BAP1: variants seen among roughly 807,000 people sequenced by gnomAD.
BAP1 encodes BRCA1 associated deubiquitinase 1.
In BAP1, 16 loss-of-function variants were observed where a neutral mutation model predicts 77.2. The observed-to-expected ratio is 0.21, with a 90% CI of 0.14 to 0.31. The LOEUF is 0.31. Among genes scored for constraint, BAP1 ranks in the 10% least tolerant of loss-of-function variants. The pLI is 1.00. For synonymous variants in BAP1, 362 were observed against 385.2 expected, an observed-to-expected ratio of 0.94 and a Z score of 0.71; for missense variants, 699 against 967.3, an observed-to-expected ratio of 0.72 and a Z score of 3.68.
chr3:52,403,493 C>T lies in BAP1; in HGVS notation c.1652G>A (p.Arg551His), dbSNP rs759448397. Reference protein sequence around the residue: ...VDCIRYNRAVRDLGPVISTGL... With the variant: ...VDCIRYNRAVHDLGPVISTGL... ...TGTGCTGATGACAGGACCCAGATCACGGACAGCACGGTTGTAGCGTATGCA... is the reference window on the plus strand; with the variant it reads ...TGTGCTGATGACAGGACCCAGATCATGGACAGCACGGTTGTAGCGTATGCA... Residue 551 changes from arginine (R) to histidine (H), a missense_variant, in exon 13 of 17, where the codon CGT becomes CAT. Coordinates refer to ENST00000460680, the MANE Select transcript of BAP1 (RefSeq NM_004656.4). This position sits in a 1 kb window ranked among gnomAD's most constrained non-coding sequence, Gnocchi z 4.0. The T allele has an allele frequency of 8.1e-6, 13 of 1,613,894 alleles. No individual in the cohort carries two copies. The highest frequency in any genetic ancestry group is 2.7e-5 in the African/African-American group (2 of 74,934).
At chr3:52,405,519 A>C (rs867641150) in intron 10 of BAP1, 12 of 620,896 alleles carry the variant, frequency 1.9e-5, no homozygotes, top group African/African-American at 1.4e-4. Context: ...AAAAAAAAAA[A>C]AACCGCCTCT....
chr3:52,404,976 C>T, intron 11 of BAP1, 134 bp downstream of exon 11: 3 of 1,234,750 alleles, frequency 2.4e-6, no homozygotes, highest in Non-Finnish European at 3.5e-6. Flanking sequence ...GCAGAGGAAC[C>T]TAGCAACCCA....
chr3:52,404,010 T>C (rs2153226778), intron 12 of BAP1, 116 bp from the exon 13 acceptor site: 2 of 1,099,012 alleles, frequency 1.8e-6, no homozygotes, highest in African/African-American at 1.5e-5. Context: ...AAACTCCTTA[T>C]ACTTGGTCCA....
chr3:52,408,543 G>C lies in BAP1; in HGVS notation c.186C>G (p.Val62=), dbSNP rs199608453. ...WIEERRSRRK[V]STLVDDTSVI... is the part of the protein sequence containing the mutation. Reference sequence around the variant, plus strand: ...CGGACGTATCATCCACCAAGGTAGAGACCTTTCGCCGGGACCGGCGCTCTT... The same window carrying C: ...CGGACGTATCATCCACCAAGGTAGACACCTTTCGCCGGGACCGGCGCTCTT... The change falls in exon 4 of 17, where the codon GTC becomes GTG. Residue 62 remains valine, a synonymous_variant. Transcript: ENST00000460680. 2 of 1,612,016 alleles carry C rather than the reference G, an allele frequency of 1.2e-6. No homozygotes were observed. Among genetic ancestry groups the C allele is most frequent in the Admixed American group, 3.4e-5 (2 of 59,672 alleles).
chr3:52,402,087 C>T lies in BAP1; in HGVS notation c.*201G>A. 1 of 911,008 alleles carries T rather than the reference C, an allele frequency of 1.1e-6. No homozygotes were observed. The highest frequency in any genetic ancestry group is 1.6e-6 in the Non-Finnish European group (1 of 617,646). The allele number at this position is 911,008 out of a possible 1,614,324, so 56.4% of individuals were successfully genotyped here. On this transcript the variant is annotated 3_prime_UTR_variant, in exon 17 of 17. Coordinates refer to ENST00000460680, the MANE Select transcript of BAP1 (RefSeq NM_004656.4). This position sits in a 1 kb window ranked among gnomAD's most constrained non-coding sequence, Gnocchi z 5.3. ...GTGCCCCAACTCCAGATGCTGCCTCCTGAGCACTATGGGGCTGATCTGCCG... is the reference window on the plus strand; with the variant it reads ...GTGCCCCAACTCCAGATGCTGCCTCTTGAGCACTATGGGGCTGATCTGCCG...
rs1322319133 is a variant in BAP1 at position 52,406,070 on chromosome 3, A to G, written c.784-158T>C. 1.3e-5 allele frequency among the ~76,000 whole-genome samples: 2 copies of G among 152,220 alleles called. No individual in the cohort carries two copies. Among genetic ancestry groups the G allele is most frequent in the African/African-American group, 4.8e-5 (2 of 41,448 alleles). ...AAACCCAAACTTCCTTTTAGAAGCT[A>G]TTCTCCCTCCCCACTCCAAGTCCCA... On this transcript the variant is annotated intron_variant, in intron 9 of 16. Coordinates refer to ENST00000460680, the MANE Select transcript of BAP1 (RefSeq NM_004656.4). The surrounding 1 kb of genome is among the most constrained non-coding windows in gnomAD (Gnocchi z 4.6).
At chr3:52,405,465 A>G (rs1705120862) in intron 10 of BAP1, 171 bp from the exon 11 acceptor site, 1 of 481,618 alleles carries the variant, frequency 2.1e-6, no homozygotes, top group Admixed American at 4.0e-5. Context: ...CAGGGCAAAG[A>G]ATGAGATGGG....
chr3:52,404,484 C>T lies in BAP1; in HGVS notation c.1219G>A (p.Asp407Asn), dbSNP rs765347562. Reference sequence around the variant, plus strand: ...GCAGAGTTGGTGTTCTGCACGTCATCCTCCTCGTCATCCTCATAGTCATCC... The same window carrying T: ...GCAGAGTTGGTGTTCTGCACGTCATTCTCCTCGTCATCCTCATAGTCATCC... ...DEDDYEDDEE[D>N]DVQNTNSALR... Residue 407 changes from aspartate to asparagine, a missense_variant, in exon 12 of 17, where the codon GAT becomes AAT. Physicochemically the swap from Asp to Asn is conservative, Grantham distance 23 (BLOSUM62 1). This residue lies in a region of BAP1 where 475 missense variants were observed against 532.4 expected (regional missense o/e 0.89). Transcript: ENST00000460680. The T allele has an allele frequency of 1.8e-5, 29 of 1,614,114 alleles. No homozygotes were observed. Among genetic ancestry groups the T allele is most frequent in the Non-Finnish European group, 2.5e-5 (29 of 1,180,052 alleles).
In BAP1 at chr3:52,407,480, G is replaced by A. The variant is rs763068204; in HGVS notation, c.376-20C>T. 9.9e-6 allele frequency: 16 copies of A among 1,614,020 alleles called. No homozygotes were observed. The highest frequency in any genetic ancestry group is 1.7e-5 in the Admixed American group (1 of 60,006). ...TTTGCTCTACGGGGAAGAAAATAAG[G>A]CCGTATCAGAATAATTTCTCCTCAG... On this transcript the variant is annotated intron_variant, in intron 5 of 16. Coordinates refer to ENST00000460680, the MANE Select transcript of BAP1 (RefSeq NM_004656.4).
In BAP1 at chr3:52,403,612, G is replaced by T. The variant is rs758136052; in HGVS notation, c.1533C>A (p.Ile511=). 6.2e-7 allele frequency: 1 copy of T among 1,614,178 alleles called. No individual in the cohort carries two copies. The highest frequency in any genetic ancestry group is 1.1e-5 in the South Asian group (1 of 91,078). ...SAFNSPLRSP[I]RSANPTRPSS... is the part of the protein sequence containing the mutation. The stretch of plus-strand genomic sequence containing the variant: ...AGGGCCGCGTCGGGTTGGCTGAGCG[G>T]ATAGGCGAGCGCAGTGGCGAGTTGA... The change falls in exon 13 of 17, where the codon ATC becomes ATA. Residue 511 remains isoleucine (I), a synonymous_variant. Coordinates refer to ENST00000460680, the MANE Select transcript of BAP1 (RefSeq NM_004656.4). The surrounding 1 kb of genome is among the most constrained non-coding windows in gnomAD (Gnocchi z 4.0).
At chr3:52,405,661 GC>G in intron 10 of BAP1, 103 bp downstream of exon 10, 2 of 1,523,380 alleles carry the variant, frequency 1.3e-6, no homozygotes, top group Non-Finnish European at 1.8e-6. Context: ...GAAGAACACT[GC>G]CCAAGGACAT....
At position 52,405,177 on chromosome 3, in the gene BAP1, G is replaced by A. The variant is rs1454833874; in HGVS notation, c.1049C>T (p.Pro350Leu). Residue 350 changes from proline (P) to leucine (L), a missense_variant, in exon 11 of 17, where the codon CCC becomes CTC. Physicochemically the swap from Pro to Leu is moderately conservative, Grantham distance 98. Around this residue, in one of 3 missense-constraint regions of BAP1, gnomAD observed 475 missense variants for 532.4 expected, o/e 0.89. Coordinates refer to ENST00000460680, the MANE Select transcript of BAP1 (RefSeq NM_004656.4). ...CGGCAGCCGCTGGACAATGGGAGTG[G>A]GGTTGGGGTGAACCCCATTGAGGCT... ...GSSLNGVHPN[P>L]TPIVQRLPAF... 3.1e-6 allele frequency: 5 copies of A among 1,613,996 alleles called. No individual in the cohort carries two copies. The highest frequency in any genetic ancestry group is 2.7e-5 in the African/African-American group (2 of 74,908).
rs144145384 is a variant in BAP1 at position 52,401,715 on chromosome 3, C to T, written c.*573G>A. The T allele has an allele frequency of 5.6e-4, 133 of 239,596 alleles. No individual in the cohort carries two copies. Among genetic ancestry groups the T allele is most frequent in the African/African-American group, 2.8e-3 (127 of 45,498 alleles). The allele number at this position is 239,596 out of a possible 1,614,324, so 14.8% of individuals were successfully genotyped here. A position where few individuals can be genotyped will look rare whatever the true frequency, so the allele number is the denominator to read the frequency against. ...CAGTGCTGGGTCCCTGAGTTTGGCA[C>T]TCTCCTAAGAGGAATGAAGAGAGAA... On this transcript the variant is annotated 3_prime_UTR_variant, in exon 17 of 17. Coordinates refer to ENST00000460680, the MANE Select transcript of BAP1 (RefSeq NM_004656.4).
rs201930643 is a variant in BAP1, at chr3:52,403,947, C to T, written c.1251-53G>A. On this transcript the variant is annotated intron_variant, in intron 12 of 16. Coordinates refer to ENST00000460680, the MANE Select transcript of BAP1 (RefSeq NM_004656.4). This position sits in a 1 kb window ranked among gnomAD's most constrained non-coding sequence, Gnocchi z 4.0. ...AGGGAACGGGCCAGGTGACCATACC[C>T]AGCAGTACCCAGAATGGCTTAAATA... 305 of 1,583,056 alleles carry T rather than the reference C, an allele frequency of 1.9e-4. No individual in the cohort carries two copies. Among genetic ancestry groups the T allele is most frequent in the Non-Finnish European group, 2.5e-4 (288 of 1,155,142 alleles).
In BAP1 at chr3:52,402,425, C is replaced by T. The variant is rs149499021; in HGVS notation, c.2057-4G>A. The stretch of plus-strand genomic sequence containing the variant: ...TCCACTAGGTTGGCCAGCATGCCTG[C>T]GAAGAGGTAGAGACCCTTGAGCAGG... On this transcript the variant is annotated splice_polypyrimidine_tract_variant and splice_region_variant and intron_variant, in intron 16 of 16. Coordinates refer to ENST00000460680, the MANE Select transcript of BAP1 (RefSeq NM_004656.4). This position sits in a 1 kb window ranked among gnomAD's most constrained non-coding sequence, Gnocchi z 5.3. 23 of 1,567,064 alleles carry T rather than the reference C, an allele frequency of 1.5e-5. No homozygotes were observed. Among genetic ancestry groups the T allele is most frequent in the Non-Finnish European group, 1.7e-5 (20 of 1,157,166 alleles).
Position 52,406,930 on chromosome 3 carries a change from A to G in BAP1, c.581-23T>C, listed in dbSNP as rs1361886918. ...GCCCTAGTGGAGACCAAGACAAGGAATCAGCGAGAAGGAAACCCTGAGTTT... is the reference window on the plus strand; with the variant it reads ...GCCCTAGTGGAGACCAAGACAAGGAGTCAGCGAGAAGGAAACCCTGAGTTT... On this transcript the variant is annotated intron_variant, in intron 7 of 16. Coordinates refer to ENST00000460680, the MANE Select transcript of BAP1 (RefSeq NM_004656.4). This position sits in a 1 kb window ranked among gnomAD's most constrained non-coding sequence, Gnocchi z 4.6. The G allele has an allele frequency of 2.6e-6, 4 of 1,562,312 alleles. No homozygotes were observed. Among genetic ancestry groups the G allele is most frequent in the Admixed American group, 1.9e-5 (1 of 52,428 alleles).
rs1704993836 is a variant in BAP1, at chr3:52,402,516, A to G, written c.2056+86T>C. On this transcript the variant is annotated intron_variant, in intron 16 of 16. Coordinates refer to ENST00000460680, the MANE Select transcript of BAP1 (RefSeq NM_004656.4). This position sits in a 1 kb window ranked among gnomAD's most constrained non-coding sequence, Gnocchi z 5.3. ...CTCCCTGTGCCCCAAGGTCTGCTCA[A>G]GCCTCAGGAGAGGCCAGGGGAGGGG... 6.2e-7 allele frequency: 1 copy of G among 1,610,356 alleles called. No homozygotes were observed. Among genetic ancestry groups the G allele is most frequent in the Non-Finnish European group, 8.5e-7 (1 of 1,178,022 alleles).
chr3:52,404,537 C>A lies in BAP1; in HGVS notation c.1166G>T (p.Arg389Leu). Residue 389 changes from arginine to leucine, a missense_variant, in exon 12 of 17, where the codon CGC becomes CTC. Physicochemically the swap from Arg to Leu is moderately radical, Grantham distance 102 (BLOSUM62 -2). Coordinates refer to ENST00000460680, the MANE Select transcript of BAP1 (RefSeq NM_004656.4). ...ATCATCTGAGTACTGCTGGGGTGGGCGGACTGGAACTCGGCTGCGGCCCAC... is the reference window on the plus strand; with the variant it reads ...ATCATCTGAGTACTGCTGGGGTGGGAGGACTGGAACTCGGCTGCGGCCCAC... Reference protein sequence around the residue: ...AGVGRSRVPVRPPQQYSDDED... With the variant: ...AGVGRSRVPVLPPQQYSDDED... The A allele has an allele frequency of 1.2e-6, 2 of 1,614,004 alleles. No homozygotes were observed. Among genetic ancestry groups the A allele is most frequent in the South Asian group, 1.1e-5 (1 of 91,052 alleles).
Position 52,402,587 on chromosome 3 carries a change from A to G in BAP1, c.2056+15T>C, listed in dbSNP as rs1704997568. On this transcript the variant is annotated intron_variant, in intron 16 of 16. Transcript: ENST00000460680. This position sits in a 1 kb window ranked among gnomAD's most constrained non-coding sequence, Gnocchi z 5.3. Reference sequence around the variant, plus strand: ...AGCAGGGCATTCCAGTTAAGACAGCAGCGCATCCCCTCACCTTCCTGAGCC... The same window carrying G: ...AGCAGGGCATTCCAGTTAAGACAGCGGCGCATCCCCTCACCTTCCTGAGCC... 6 of 1,613,972 alleles carry G rather than the reference A, an allele frequency of 3.7e-6. No individual in the cohort carries two copies. The highest frequency in any genetic ancestry group is 5.1e-6 in the Non-Finnish European group (6 of 1,179,886).
Sources: gnomAD v4.1 joint callset for allele counts (sites outside exome capture counted in the v4.1 genomes callset) on GRCh38, gnomAD v4.1.1 for gene constraint, gnomAD v4.1.1 regional missense constraint, Gnocchi (gnomAD v3.1) non-coding constraint, MANE v1.5 for transcripts, NCBI Gene and HGNC (gene_info 2026-07-23, HGNC 2026-07-21) for gene names.